RGL1: variants seen among roughly 807,000 people sequenced by gnomAD.
RGL1 encodes the protein ral guanine nucleotide dissociation stimulator-like 1.
In RGL1, 24 loss-of-function variants were observed where a neutral mutation model predicts 95.2. The ratio of observed to expected loss-of-function variants is 0.25; its 90% CI spans 0.18 to 0.35. The LOEUF is 0.35. Ranked by LOEUF, RGL1 falls within the 10% of genes least tolerant of loss-of-function variation. The probability of loss-of-function intolerance (pLI) is 1.00; values close to 1 mark genes in which losing one functional copy is unlikely to be tolerated. For missense variants in RGL1, 715 were observed against 936.3 expected, an observed-to-expected ratio of 0.76 and a Z score of 3.08; for synonymous variants, 329 against 344.9, an observed-to-expected ratio of 0.95 and a Z score of 0.51.
At chr1:183,822,849 T>C (rs150803576) in intron 2 of RGL1, among the ~76,000 whole-genome samples, 1,742 of 152,326 alleles carry the variant, frequency 0.011, 16 homozygotes, top group Non-Finnish European at 0.017. Context: ...TGATTTCCTA[T>C]GTCTCACTTT....
chr1:183,791,329 C>G (rs1208117540), intron 2 of RGL1, among the ~76,000 whole-genome samples: 1 of 152,088 alleles, frequency 6.6e-6, no homozygotes, highest in Non-Finnish European at 1.5e-5. Context: ...GTAAAATTCA[C>G]TTTTCTTTGT....
At chr1:183,699,753 C>T (rs1173215039) in intron 1 of RGL1, among the ~76,000 whole-genome samples, 2 of 152,140 alleles carry the variant, frequency 1.3e-5, no homozygotes, top group South Asian at 2.1e-4. Context: ...GTCCCTTGTA[C>T]TCTCTTTTAA....
At chr1:183,916,123 G>GA (rs1668949859) in intron 15 of RGL1, among the ~76,000 whole-genome samples, 1 of 152,196 alleles carries the variant, frequency 6.6e-6, no homozygotes, top group Admixed American at 6.5e-5. Context: ...ACTTCTTTGG[G>GA]AACCCATATT....
chr1:183,803,842 T>A (rs1661121489), upstream of RGL1, among the ~76,000 whole-genome samples: 1 of 152,182 alleles, frequency 6.6e-6, no homozygotes, highest in African/African-American at 2.4e-5. Context: ...TTCCTCTGGT[T>A]CCCAGCAACA....
At chr1:183,799,060 G>A (rs1427069467) in intron 2 of RGL1, among the ~76,000 whole-genome samples, 1 of 151,814 alleles carries the variant, frequency 6.6e-6, no homozygotes, top group Non-Finnish European at 1.5e-5. Context: ...CCGCCACCAT[G>A]CCTGGCTAAT....
At chr1:183,782,310 A>G (rs1319834452) in intron 2 of RGL1, among the ~76,000 whole-genome samples, 1 of 152,148 alleles carries the variant, frequency 6.6e-6, no homozygotes, top group East Asian at 1.9e-4. Context: ...ACACAGACCC[A>G]TCAAATTTGT....
intron 2 of RGL1, among the ~76,000 whole-genome samples, chr1:183,810,128 G>A (rs946395273): frequency 1.3e-5 from 2 of 152,194 alleles, no homozygotes; most frequent in African/African-American, 4.8e-5. Context: ...AGCAGGAAGT[G>A]TAACATTTCA....
chr1:183,828,866 T>C (rs1271131251), intron 2 of RGL1, among the ~76,000 whole-genome samples: 1 of 152,116 alleles, frequency 6.6e-6, no homozygotes, highest in African/African-American at 2.4e-5. Flanking sequence ...TCAATGACAA[T>C]GGAAAAAGAA....
chr1:183,840,595 G>A (rs1310772872), intron 2 of RGL1, among the ~76,000 whole-genome samples: 2 of 152,020 alleles, frequency 1.3e-5, no homozygotes, highest in African/African-American at 2.4e-5. Context: ...AGGTATGGTG[G>A]CTCATGCCTG....
At chr1:183,664,879 T>C (rs977303795) in intron 1 of RGL1, among the ~76,000 whole-genome samples, 8 of 151,648 alleles carry the variant, frequency 5.3e-5, no homozygotes, top group Non-Finnish European at 8.8e-5. Flanking sequence ...TACTTTTTTT[T>C]CCCAATCTTA....
At chr1:183,735,908 A>G (rs1453568299) in intron 1 of RGL1, among the ~76,000 whole-genome samples, 1 of 152,150 alleles carries the variant, frequency 6.6e-6, no homozygotes, top group Non-Finnish European at 1.5e-5. Flanking sequence ...CCCCTCCACA[A>G]TTAGGAGGCT....
rs887032051 is a variant in RGL1 at position 183,667,618 on chromosome 1, G to A, written c.-33+31117G>A. Among the ~76,000 whole-genome samples, 9 of 152,110 alleles carry A rather than the reference G, an allele frequency of 5.9e-5. No homozygotes were observed. In the East Asian group the frequency reaches 7.7e-4, roughly 13 times the overall value. On this transcript the variant is annotated intron_variant, in intron 1 of 18. Transcript: ENST00000304685. Reference sequence around the variant, plus strand: ...TGGGATTACAGGTGTGAGCCATTGCGCCCAGCCAGATCATTGATGTTTAAA... The same window carrying A: ...TGGGATTACAGGTGTGAGCCATTGCACCCAGCCAGATCATTGATGTTTAAA...
intron 16 of RGL1, among the ~76,000 whole-genome samples, chr1:183,917,418 A>G (rs1283847195): frequency 2.0e-5 from 3 of 152,340 alleles, no homozygotes; most frequent in South Asian, 4.1e-4. Context: ...TCCTTAGTTT[A>G]TGGGAGATAA....
intron 10 of RGL1, among the ~76,000 whole-genome samples, chr1:183,899,629 G>A (rs577868697): frequency 2.0e-4 from 31 of 152,216 alleles, no homozygotes; most frequent in Non-Finnish European, 3.2e-4. Flanking sequence ...ACTTGGTTAA[G>A]GAAGAGTTTG....
At chr1:183,782,663 G>T (rs1176859255) in intron 2 of RGL1, among the ~76,000 whole-genome samples, 1 of 152,176 alleles carries the variant, frequency 6.6e-6, no homozygotes, top group Non-Finnish European at 1.5e-5. Flanking sequence ...GTGGTGGGTG[G>T]ATTATAATTA....
intron 2 of RGL1, among the ~76,000 whole-genome samples, chr1:183,819,780 T>G (rs77286465): frequency 0.26 from 38,224 of 145,220 alleles, 5,265 homozygotes; most frequent in African/African-American, 0.34. Context: ...GAAGCAACAT[T>G]ATACTTTTTT....
intron 1 of RGL1, among the ~76,000 whole-genome samples, chr1:183,716,232 G>C (rs966524377): frequency 6.6e-6 from 1 of 152,102 alleles, no homozygotes; most frequent in Non-Finnish European, 1.5e-5. Context: ...TGACTCAGTC[G>C]ATCTAAGGGG....
chr1:183,884,891 A>G lies in RGL1; in HGVS notation c.904A>G (p.Thr302Ala), dbSNP rs778733390. 3 of 1,614,120 alleles carry G rather than the reference A, an allele frequency of 1.9e-6. No homozygotes were observed. The South Asian group carries it at 3.3e-5, about 18-fold the overall frequency. Residue 302 changes from threonine to alanine, a missense_variant, in exon 7 of 18, where the codon ACT becomes GCT. By Grantham distance (58) the Thr-to-Ala change is moderately conservative. This residue lies in a region of RGL1 where 381 missense variants were observed against 484.8 expected (regional missense o/e 0.79). Coordinates refer to ENST00000360851, the MANE Select transcript of RGL1 (RefSeq NM_001297671.3). ...CATCCTGGGGGGCAAAGAACTCAAAACTCAGCAGAGAGCCAAAATCATTGA... is the reference window on the plus strand; with the variant it reads ...CATCCTGGGGGGCAAAGAACTCAAAGCTCAGCAGAGAGCCAAAATCATTGA... ...STILGGKELK[T>A]QQRAKIIEKW...
At chr1:183,850,034 C>G (rs759302552) in intron 3 of RGL1, among the ~76,000 whole-genome samples, 6 of 152,154 alleles carry the variant, frequency 3.9e-5, no homozygotes, top group African/African-American at 7.2e-5. Context: ...GATATTTTCT[C>G]TCTACTTTTG....
Sources: allele counts gnomAD v4.1 joint callset (sites outside exome capture counted in the v4.1 genomes callset), GRCh38; gene constraint gnomAD v4.1.1; regional missense constraint gnomAD v4.1.1; transcripts MANE v1.5; gene names NCBI Gene and HGNC (gene_info 2026-07-23, HGNC 2026-07-21).